The following EAF1 variants were observed in gnomAD, a reference collection of about 807,000 sequenced individuals.
EAF1 encodes the protein ELL-associated factor 1.
Under a neutral mutation model 26.6 loss-of-function variants are expected in EAF1, and 19 were observed. The observed-to-expected ratio is 0.71, with a 90% CI of 0.50 to 1.05. EAF1 has a LOEUF of 1.05. Among genes scored for constraint, EAF1 ranks in the 50% least tolerant of loss-of-function variants. The pLI is 0.00. For missense variants in EAF1, 260 were observed against 335.5 expected, an observed-to-expected ratio of 0.78 and a Z score of 1.76; for synonymous variants, 102 against 120.6, an observed-to-expected ratio of 0.85 and a Z score of 1.01.
At chr3:15,434,267 C>A in intron 3 of EAF1, 81 bp from the exon 4 acceptor site, 1 of 1,518,074 alleles carries the variant, frequency 6.6e-7, no homozygotes, top group Non-Finnish European at 9.0e-7. Flanking sequence ...TCTACAGAGA[C>A]TTCTGAGTTT....
At chr3:15,427,933 T>G in intron 1 of EAF1, 51 bp downstream of exon 1, 2 of 1,418,202 alleles carry the variant, frequency 1.4e-6, no homozygotes, top group South Asian at 1.3e-5. Context: ...CCGCCACATA[T>G]CAACCTTGAC....
Position 15,427,623 on chromosome 3 carries a change from G to A in EAF1, c.-157G>A. ...CTCTCTCACCCCCACGCAGAGGAGA[G>A]AACTTGCTTCTGGACCCGGGTGGGT... is the stretch of plus-strand genomic sequence containing the variant. On this transcript the variant is annotated 5_prime_UTR_variant, in exon 1 of 6. Coordinates refer to ENST00000396842, the MANE Select transcript of EAF1 (RefSeq NM_033083.7). The A allele has an allele frequency of 1.4e-6, 1 of 699,232 alleles. No homozygotes were observed. Among genetic ancestry groups the A allele is most frequent in the African/African-American group, 1.8e-5 (1 of 55,482 alleles). The allele number at this position is 699,232 out of a possible 1,614,324, so 43.3% of individuals were successfully genotyped here.
chr3:15,438,305 G>A (rs905434014), intron 5 of EAF1, among the ~76,000 whole-genome samples: 16 of 152,128 alleles, frequency 1.1e-4, no homozygotes, highest in African/African-American at 2.9e-4. Flanking sequence ...TGTAAAGCAC[G>A]TTAGTTCAGA....
intron 2 of EAF1, 141 bp from the exon 3 acceptor site, chr3:15,431,946 G>T: frequency 1.0e-6 from 1 of 967,378 alleles, no homozygotes; most frequent in Non-Finnish European, 1.5e-6. Context: ...ACCAGAAGGA[G>T]ATAAAATAGA....
chr3:15,437,067 T>A (rs1256224270), intron 5 of EAF1, among the ~76,000 whole-genome samples: 1 of 152,156 alleles, frequency 6.6e-6, no homozygotes, highest in Non-Finnish European at 1.5e-5. Flanking sequence ...GGCTAATTTT[T>A]GTATTTTTAG....
In EAF1 at chr3:15,442,208, G is replaced by GGTGTGTGTGTGTGT. The variant is rs3067737; in HGVS notation, c.*3068_*3081dup. The GGTGTGTGTGTGTGT allele has an allele frequency of 1.4e-4, 21 of 148,120 alleles. No homozygotes were observed. Among genetic ancestry groups the GGTGTGTGTGTGTGT allele is most frequent in the African/African-American group, 4.9e-4 (20 of 40,472 alleles). 9.2% of individuals were successfully genotyped at this position (148,120 alleles called of 1,614,324 possible). A position where few individuals can be genotyped will look rare whatever the true frequency, so the allele number is the denominator to read the frequency against. Reference sequence around the variant, plus strand: ...CCTATTTGAGAGGCTGGTTCAGCAGGGTGTGTGTGTGTGTGTGTGTGTGTG... The same window carrying GGTGTGTGTGTGTGT: ...CCTATTTGAGAGGCTGGTTCAGCAGGGTGTGTGTGTGTGTGTGTGTGTGTGTGTGTGTGTGTGTG... On this transcript the variant is annotated 3_prime_UTR_variant, in exon 6 of 6. Coordinates refer to ENST00000396842, the MANE Select transcript of EAF1 (RefSeq NM_033083.7).
intron 1 of EAF1, 57 bp downstream of exon 1, chr3:15,427,939 T>C: frequency 7.4e-7 from 1 of 1,352,856 alleles, no homozygotes; most frequent in African/African-American, 1.5e-5. Context: ...CATATCAACC[T>C]TGACTCCTTC....
At chr3:15,436,113 TTTTA>T (rs2061833246) in intron 4 of EAF1, 1 of 356,100 alleles carries the variant, frequency 2.8e-6, no homozygotes. Context: ...CAGTCTTGCT[TTTTA>T]TTTATTTTGA....
At chr3:15,428,849 T>C (rs375719678) in intron 1 of EAF1, among the ~76,000 whole-genome samples, 12 of 152,250 alleles carry the variant, frequency 7.9e-5, no homozygotes, top group African/African-American at 2.9e-4. Context: ...TCAACACATG[T>C]GAAGAGGGCG....
At chr3:15,434,294 A>C in intron 3 of EAF1, 54 bp from the exon 4 acceptor site, 1 of 1,591,032 alleles carries the variant, frequency 6.3e-7, no homozygotes, top group Non-Finnish European at 8.6e-7. Context: ...ACCTGGACAA[A>C]TTTGAGAACC....
In EAF1 at chr3:15,428,011, C is replaced by A. The variant is rs1575448118; in HGVS notation, c.103+129C>A. On this transcript the variant is annotated intron_variant, in intron 1 of 5. Transcript: ENST00000396842. ...CCTGCCAGCGTCAGTTACTTTCTCT[C>A]GAACCCCAAATCCTTTGGGACATCG... is the stretch of plus-strand genomic sequence containing the variant. 3 of 728,694 alleles carry A rather than the reference C, an allele frequency of 4.1e-6. No individual in the cohort carries two copies. In the East Asian group the frequency reaches 8.8e-5, roughly 21 times the overall value. 45.1% of individuals were successfully genotyped at this position (728,694 alleles called of 1,614,324 possible).
rs759922712 is a variant in EAF1 at position 15,432,076 on chromosome 3, G to A, written c.199-11G>A. ...TTTAGTTTGATCATCTTATACTTTTGTGGCAAATAGGGATCCACACCACCC... is the reference window on the plus strand; with the variant it reads ...TTTAGTTTGATCATCTTATACTTTTATGGCAAATAGGGATCCACACCACCC... On this transcript the variant is annotated splice_polypyrimidine_tract_variant and intron_variant, in intron 2 of 5. Coordinates refer to ENST00000396842, the MANE Select transcript of EAF1 (RefSeq NM_033083.7). 3 of 1,611,796 alleles carry A rather than the reference G, an allele frequency of 1.9e-6. No homozygotes were observed. The South Asian group carries it at 3.3e-5, about 18-fold the overall frequency.
Position 15,440,676 on chromosome 3 carries a change from G to A in EAF1, c.*1521G>A, listed in dbSNP as rs1029062085. 11 of 152,664 alleles carry A rather than the reference G, an allele frequency of 7.2e-5. No homozygotes were observed. The highest frequency in any genetic ancestry group is 2.7e-4 in the African/African-American group (11 of 41,440). The allele number at this position is 152,664 out of a possible 1,614,324, so 9.5% of individuals were successfully genotyped here. A position where few individuals can be genotyped will look rare whatever the true frequency, so the allele number is the denominator to read the frequency against. ...CTGTTTCATCATCATAGTGAGCCCA[G>A]AGAGCCACTGCCCAGCAGCATGCTC... On this transcript the variant is annotated 3_prime_UTR_variant, in exon 6 of 6. Coordinates refer to ENST00000396842, the MANE Select transcript of EAF1 (RefSeq NM_033083.7).
In EAF1 at chr3:15,427,607, C is replaced by T; in HGVS notation, c.-173C>T. 1 of 627,712 alleles carries T rather than the reference C, an allele frequency of 1.6e-6. No individual in the cohort carries two copies. The allele number at this position is 627,712 out of a possible 1,614,324, so 38.9% of individuals were successfully genotyped here. On this transcript the variant is annotated 5_prime_UTR_variant, in exon 1 of 6. Coordinates refer to ENST00000396842, the MANE Select transcript of EAF1 (RefSeq NM_033083.7). The stretch of plus-strand genomic sequence containing the variant: ...TTGCCTCCTCAGATTCCTCTCTCAC[C>T]CCCACGCAGAGGAGAGAACTTGCTT...
rs2061868122 is a variant in EAF1, at chr3:15,441,301, T to TTCACAGATGGCTTC, written c.*2156_*2169dup. ...TCTTTTTAGAAATCAAGAATTTGGC[T>TTCACAGATGGCTTC]TCACAGATGGCTTCTCACAGATGCC... On this transcript the variant is annotated 3_prime_UTR_variant, in exon 6 of 6. Coordinates refer to ENST00000396842, the MANE Select transcript of EAF1 (RefSeq NM_033083.7). The TTCACAGATGGCTTC allele has an allele frequency of 6.5e-6, 1 of 153,730 alleles. No individual in the cohort carries two copies. Among genetic ancestry groups the TTCACAGATGGCTTC allele is most frequent in the Non-Finnish European group, 1.5e-5 (1 of 68,058 alleles). 9.5% of individuals were successfully genotyped at this position (153,730 alleles called of 1,614,324 possible).
At chr3:15,438,760 A>G (rs1242039278) in intron 5 of EAF1, 1 of 171,328 alleles carries the variant, frequency 5.8e-6, no homozygotes, top group African/African-American at 2.4e-5. Context: ...GCTGGCCTCA[A>G]ATGATCTCCC....
In EAF1 at chr3:15,434,476, C is replaced by A. The variant is rs1436402296; in HGVS notation, c.464C>A (p.Pro155His). ...FRAPTKPPVG[P>H]KTSPLKDNPS... ...GCTCCAACGAAGCCTCCAGTTGGAC[C>A]CAAAACTTCTCCCTTGAAAGATAAC... is the stretch of plus-strand genomic sequence containing the variant. Residue 155 changes from proline to histidine, a missense_variant, in exon 4 of 6, where the codon CCC (proline) becomes CAC (histidine). By Grantham distance (77) the Pro-to-His change is moderately conservative. Coordinates refer to ENST00000396842, the MANE Select transcript of EAF1 (RefSeq NM_033083.7). 6.2e-7 allele frequency: 1 copy of A among 1,614,170 alleles called. No individual in the cohort carries two copies. Among genetic ancestry groups the A allele is most frequent in the East Asian group, 2.2e-5 (1 of 44,888 alleles).
In EAF1 at chr3:15,430,360, G is replaced by A. The variant is rs139894269; in HGVS notation, c.198+353G>A. Among the ~76,000 whole-genome samples the A allele has an allele frequency of 2.1e-3, 322 of 151,666 alleles. 1 individual carries two copies. The highest frequency in any genetic ancestry group is 7.5e-3 in the African/African-American group (310 of 41,296). ...CTGTGGTTGCAGCTGCTTGGGAAGCGGAGCTGGGAGGATCGCTTGAGCCTG... is the reference window on the plus strand; with the variant it reads ...CTGTGGTTGCAGCTGCTTGGGAAGCAGAGCTGGGAGGATCGCTTGAGCCTG... On this transcript the variant is annotated intron_variant, in intron 2 of 5. Transcript: ENST00000396842.
chr3:15,437,586 C>T (rs982315995), intron 5 of EAF1, among the ~76,000 whole-genome samples: 9 of 152,100 alleles, frequency 5.9e-5, no homozygotes, highest in South Asian at 2.1e-4. Flanking sequence ...TGCCTGGCCT[C>T]GGTGTGTTTT....
Sources: allele counts gnomAD v4.1 joint callset (sites outside exome capture counted in the v4.1 genomes callset), GRCh38; gene constraint gnomAD v4.1.1; transcripts MANE v1.5; gene names NCBI Gene and HGNC (gene_info 2026-07-23, HGNC 2026-07-21).